The following IRS1 variants were observed in gnomAD, a reference collection of about 807,000 sequenced individuals.
The protein encoded by IRS1 is insulin receptor substrate 1.
IRS1 carries 34 observed loss-of-function variants against 65.6 expected under a neutral mutation model. The observed-to-expected ratio is 0.52, with a 90% confidence interval of 0.39 to 0.69. The LOEUF (loss-of-function observed/expected upper bound fraction) is 0.69, where lower values mean the gene tolerates loss of function less well. Ranked by LOEUF, IRS1 falls within the 30% of genes least tolerant of loss-of-function variation. IRS1 has a pLI of 0.00. For missense variants in IRS1, 1,641 were observed against 1,720.2 expected, an observed-to-expected ratio of 0.95 and a Z score of 0.81; for synonymous variants, 699 against 683.5, an observed-to-expected ratio of 1.02 and a Z score of -0.35.
chr2:226,798,052 G>A lies in IRS1; in HGVS notation c.687C>T (p.Ala229=), dbSNP rs372266363. The A allele has an allele frequency of 1.9e-6, 3 of 1,614,022 alleles. No homozygotes were observed. Among genetic ancestry groups the A allele is most frequent in the Non-Finnish European group, 2.5e-6 (3 of 1,180,012 alleles). Reference sequence around the variant, plus strand: ...TCCAGAACTCCCCGGGCCCCGTCACGGCAGAACGGCCCACCTCGATGAAGA... The same window carrying A: ...TCCAGAACTCCCCGGGCCCCGTCACAGCAGAACGGCCCACCTCGATGAAGA... ...NFFFIEVGRS[A]VTGPGEFWMQ... is the part of the protein sequence containing the mutation. The change falls in exon 1 of 2, where the codon GCC becomes GCT. Residue 229 remains alanine (A), a synonymous_variant. Coordinates refer to ENST00000305123, the MANE Select transcript of IRS1 (RefSeq NM_005544.3). The surrounding 1 kb of genome is among the most constrained non-coding windows in gnomAD (Gnocchi z 9.4).
chr2:226,791,187 A>T (rs1939587306), intron 1 of IRS1, among the ~76,000 whole-genome samples: 1 of 151,646 alleles, frequency 6.6e-6, no homozygotes, highest in African/African-American at 2.4e-5. Context: ...ATGACCCAAA[A>T]CGATGGCATC....
Position 226,733,296 on chromosome 2 carries a change from T to A in IRS1, c.*2976A>T, listed in dbSNP as rs189815419. The A allele has an allele frequency of 6.1e-4, 93 of 152,334 alleles. No individual in the cohort carries two copies. Among genetic ancestry groups the A allele is most frequent in the African/African-American group, 2.1e-3 (88 of 41,578 alleles). 9.4% of individuals were successfully genotyped at this position (152,334 alleles called of 1,614,324 possible). A position where few individuals can be genotyped will look rare whatever the true frequency, so the allele number is the denominator to read the frequency against. On this transcript the variant is annotated 3_prime_UTR_variant, in exon 2 of 2. Coordinates refer to ENST00000305123, the MANE Select transcript of IRS1 (RefSeq NM_005544.3). Reference sequence around the variant, plus strand: ...AAATCTCTACTTCTGGCTAGATGACTTTTAGTAGATCCATTTTTGCAGTCA... The same window carrying A: ...AAATCTCTACTTCTGGCTAGATGACATTTAGTAGATCCATTTTTGCAGTCA...
At chr2:226,791,902 A>T (rs927845872) in intron 1 of IRS1, among the ~76,000 whole-genome samples, 1 of 151,986 alleles carries the variant, frequency 6.6e-6, no homozygotes, top group African/African-American at 2.4e-5. Context: ...CTGGCTGCAG[A>T]TTCCCCCACC....
chr2:226,747,054 T>C (rs1938561786), intron 1 of IRS1, among the ~76,000 whole-genome samples: 1 of 152,074 alleles, frequency 6.6e-6, no homozygotes, highest in African/African-American at 2.4e-5. Context: ...CCTCCCAAAG[T>C]GCTGGGATTG....
Position 226,796,471 on chromosome 2 carries a change from G to C in IRS1, c.2268C>G (p.Pro756=). 5 of 1,613,824 alleles carry C rather than the reference G, an allele frequency of 3.1e-6. No homozygotes were observed. Among genetic ancestry groups the C allele is most frequent in the Middle Eastern group, 1.7e-4 (1 of 6,058 alleles). Residue 756 remains proline, a synonymous_variant, in exon 1 of 2, where the codon CCC becomes CCG. Transcript: ENST00000305123. The stretch of plus-strand genomic sequence containing the variant: ...AGTAGGAGAGGACTGGCTTGTGCTG[G>C]GGGTCCTCAGGGCCGTAGTAGCAGT... ...PSDCYYGPED[P]QHKPVLSYYS... is the part of the protein sequence containing the mutation.
chr2:226,791,810 A>G (rs1273199786), intron 1 of IRS1, among the ~76,000 whole-genome samples: 1 of 151,926 alleles, frequency 6.6e-6, no homozygotes, highest in Non-Finnish European at 1.5e-5. Flanking sequence ...CTCGCCCGCC[A>G]GCGCCGACCA....
intron 1 of IRS1, among the ~76,000 whole-genome samples, chr2:226,754,923 G>A (rs1938764607): frequency 6.6e-6 from 1 of 152,110 alleles, no homozygotes; most frequent in Non-Finnish European, 1.5e-5. Flanking sequence ...ACACTAAAAT[G>A]AAATCTCATT....
At chr2:226,791,835 G>A (rs1206149459) in intron 1 of IRS1, among the ~76,000 whole-genome samples, 1 of 152,086 alleles carries the variant, frequency 6.6e-6, no homozygotes, top group Non-Finnish European at 1.5e-5. Flanking sequence ...GCCCGGGAAG[G>A]GGCCCCACCG....
intron 1 of IRS1, among the ~76,000 whole-genome samples, chr2:226,762,658 C>G (rs1938940042): frequency 6.6e-6 from 1 of 152,164 alleles, no homozygotes. Context: ...GGATTTGGCC[C>G]TAGTTTGCTG....
chr2:226,799,113 G>T lies in IRS1; in HGVS notation c.-375C>A. 8.5e-7 allele frequency: 1 copy of T among 1,180,926 alleles called. No homozygotes were observed. 73.2% of individuals were successfully genotyped at this position (1,180,926 alleles called of 1,614,324 possible). A position where few individuals can be genotyped will look rare whatever the true frequency, so the allele number is the denominator to read the frequency against. On this transcript the variant is annotated 5_prime_UTR_variant, in exon 1 of 2. Coordinates refer to ENST00000305123, the MANE Select transcript of IRS1 (RefSeq NM_005544.3). The surrounding 1 kb of genome is among the most constrained non-coding windows in gnomAD (Gnocchi z 6.1). ...AGTCCGGCACAGGGAGGCGACAGTCGGGGGTCCCTGCGGTGCCCCTCCAGG... is the reference window on the plus strand; with the variant it reads ...AGTCCGGCACAGGGAGGCGACAGTCTGGGGTCCCTGCGGTGCCCCTCCAGG...
chr2:226,748,171 T>C (rs967539925), intron 1 of IRS1, among the ~76,000 whole-genome samples: 2 of 150,970 alleles, frequency 1.3e-5, no homozygotes. Flanking sequence ...CTCACACCTG[T>C]AATACCAGCA....
chr2:226,799,407 G>T lies in IRS1; in HGVS notation c.-669C>A. On this transcript the variant is annotated 5_prime_UTR_variant, in exon 1 of 2. Coordinates refer to ENST00000305123, the MANE Select transcript of IRS1 (RefSeq NM_005544.3). This position sits in a 1 kb window ranked among gnomAD's most constrained non-coding sequence, Gnocchi z 6.1. ...GCTGCTGCTGCCGCCGCCCGCGGGC[G>T]CGTCCTCTGCAGCCCCCATCCGGGC... The T allele has an allele frequency of 7.9e-7, 1 of 1,261,638 alleles. No individual in the cohort carries two copies. Among genetic ancestry groups the T allele is most frequent in the Non-Finnish European group, 1.0e-6 (1 of 970,370 alleles). 78.2% of individuals were successfully genotyped at this position (1,261,638 alleles called of 1,614,324 possible).
chr2:226,756,022 C>T (rs1386651338), intron 1 of IRS1, among the ~76,000 whole-genome samples: 1 of 152,198 alleles, frequency 6.6e-6, no homozygotes, highest in Non-Finnish European at 1.5e-5. Context: ...AGACTTTATG[C>T]ACTCACTTTC....
At chr2:226,749,187 T>A (rs10170494) in intron 1 of IRS1, among the ~76,000 whole-genome samples, 12,566 of 152,228 alleles carry the variant, frequency 0.083, 676 homozygotes, top group East Asian at 0.18. Context: ...TTTTCCCCAT[T>A]AAATTATTAC....
At chr2:226,751,720 CG>C (rs545562270) in intron 1 of IRS1, among the ~76,000 whole-genome samples, 110 of 152,152 alleles carry the variant, frequency 7.2e-4, no homozygotes, top group African/African-American at 2.2e-3. Flanking sequence ...AAAATGAATG[CG>C]GGTGACTCTG....
chr2:226,758,944 C>G (rs1938859651), intron 1 of IRS1, among the ~76,000 whole-genome samples: 1 of 152,180 alleles, frequency 6.6e-6, no homozygotes, highest in African/African-American at 2.4e-5. Flanking sequence ...CAAAGATGCT[C>G]ATTGCACATT....
chr2:226,794,972 G>C lies in IRS1; in HGVS notation c.*21+17C>G. ...AAAAGCAGTTTTGTCTTCTGACTTTGTCACCATGAAACGCACCTGCTGTGA... is the reference window on the plus strand; with the variant it reads ...AAAAGCAGTTTTGTCTTCTGACTTTCTCACCATGAAACGCACCTGCTGTGA... On this transcript the variant is annotated intron_variant, in intron 1 of 1. Transcript: ENST00000305123. The surrounding 1 kb of genome is among the most constrained non-coding windows in gnomAD (Gnocchi z 4.1). The C allele has an allele frequency of 6.2e-7, 1 of 1,609,280 alleles. No individual in the cohort carries two copies. The highest frequency in any genetic ancestry group is 8.5e-7 in the Non-Finnish European group (1 of 1,176,536).
Position 226,795,727 on chromosome 2 carries a change from G to T in IRS1, c.3012C>A (p.Thr1004=). The T allele has an allele frequency of 6.2e-7, 1 of 1,613,412 alleles. No individual in the cohort carries two copies. Reference sequence around the variant, plus strand: ...CATAGCTTACAGGGGCAGCTGGCGAGGTGTCCACGTAGCTCTGACGGGGAC... The same window carrying T: ...CATAGCTTACAGGGGCAGCTGGCGATGTGTCCACGTAGCTCTGACGGGGAC... ...MSCPRQSYVD[T]SPAAPVSYAD... Residue 1004 remains threonine (T), a synonymous_variant, in exon 1 of 2, where the codon ACC becomes ACA. Transcript: ENST00000305123.
chr2:226,738,608 A>G (rs934114546), intron 1 of IRS1, among the ~76,000 whole-genome samples: 1 of 152,192 alleles, frequency 6.6e-6, no homozygotes, highest in Non-Finnish European at 1.5e-5. Flanking sequence ...TGTGTCTACA[A>G]TTGTGGTGTC....
Sources: allele counts gnomAD v4.1 joint callset (sites outside exome capture counted in the v4.1 genomes callset), GRCh38; gene constraint gnomAD v4.1.1; non-coding constraint Gnocchi (gnomAD v3.1); transcripts MANE v1.5; gene names NCBI Gene and HGNC (gene_info 2026-07-23, HGNC 2026-07-21).